The following EPB41L3 variants were observed in gnomAD, a reference collection of about 807,000 sequenced individuals.
The protein encoded by EPB41L3 is band 4.1-like protein 3.
Under a neutral mutation model 127.1 loss-of-function variants are expected in EPB41L3, and 57 were observed. The ratio of observed to expected loss-of-function variants is 0.45; its 90% confidence interval spans 0.36 to 0.56. The LOEUF (loss-of-function observed/expected upper bound fraction) is 0.56. Ranked by LOEUF, EPB41L3 falls within the 20% of genes least tolerant of loss-of-function variation. The pLI is 0.00. For missense variants in EPB41L3, 1,273 were observed against 1,372.2 expected (o/e 0.93, Z 1.14); for synonymous variants, 572 against 549.5 (o/e 1.04, Z -0.57).
At chr18:5,437,892 C>T in intron 6 of EPB41L3, 143 bp downstream of exon 6, 1 of 624,552 alleles carries the variant, frequency 1.6e-6, no homozygotes, top group South Asian at 2.0e-5. Context: ...CAGATGTTTG[C>T]TCTCGTTCAT....
intron 1 of EPB41L3, among the ~76,000 whole-genome samples, chr18:5,515,454 A>G (rs1421843976): frequency 6.6e-6 from 1 of 152,226 alleles, no homozygotes; most frequent in Non-Finnish European, 1.5e-5. Flanking sequence ...GAGTCTAAGC[A>G]TAAAAAACAG....
chr18:5,488,946 G>C (rs1915715881), intron 2 of EPB41L3, 55 bp downstream of exon 2: 2 of 1,514,666 alleles, frequency 1.3e-6, no homozygotes, highest in Non-Finnish European at 8.7e-7. Context: ...GGTTAAAGCC[G>C]ATCCTGGAGC....
intron 8 of EPB41L3, among the ~76,000 whole-genome samples, chr18:5,429,799 T>C (rs1415602394): frequency 6.6e-6 from 1 of 152,156 alleles, no homozygotes; most frequent in African/African-American, 2.4e-5. Flanking sequence ...CTGCCCACCA[T>C]TTATCTAGGA....
intron 12 of EPB41L3, 35 bp from the exon 13 acceptor site, chr18:5,416,413 G>T: frequency 1.3e-6 from 2 of 1,559,648 alleles, no homozygotes; most frequent in South Asian, 1.2e-5. Flanking sequence ...ACAGAAAGCA[G>T]CAAACAGAGG....
intron 3 of EPB41L3, among the ~76,000 whole-genome samples, chr18:5,591,736 C>T (rs568021978): frequency 5.9e-5 from 9 of 152,198 alleles, no homozygotes; most frequent in East Asian, 3.9e-4. Context: ...CACTTTATTC[C>T]GACCCCTCAG....
At chr18:5,610,972 C>T (rs757962342) in intron 3 of EPB41L3, among the ~76,000 whole-genome samples, 4 of 152,144 alleles carry the variant, frequency 2.6e-5, no homozygotes, top group Non-Finnish European at 5.9e-5. Context: ...CCAAACTGAG[C>T]TTTCATGTAA....
intron 19 of EPB41L3, among the ~76,000 whole-genome samples, 172 bp from the exon 20 acceptor site, chr18:5,395,879 G>A (rs73375705): frequency 0.05 from 7,683 of 152,144 alleles, 342 homozygotes; most frequent in African/African-American, 0.12. Flanking sequence ...GCAACCACAG[G>A]TAACTGTCAT....
intron 1 of EPB41L3, among the ~76,000 whole-genome samples, chr18:5,519,924 T>C (rs1029064559): frequency 1.3e-5 from 2 of 152,200 alleles, no homozygotes; most frequent in Non-Finnish European, 2.9e-5. Flanking sequence ...AAATGTTGGC[T>C]AGGACAACTC....
At chr18:5,448,625 G>GGTATT (rs1242132103) in intron 3 of EPB41L3, among the ~76,000 whole-genome samples, 1 of 152,016 alleles carries the variant, frequency 6.6e-6, no homozygotes, top group African/African-American at 2.4e-5. Flanking sequence ...AATGGATAGA[G>GGTATT]GTATTCTAAA....
At chr18:5,404,869 T>A (rs2075098557) in intron 16 of EPB41L3, among the ~76,000 whole-genome samples, 1 of 152,238 alleles carries the variant, frequency 6.6e-6, no homozygotes, top group Non-Finnish European at 1.5e-5. Flanking sequence ...AGAAATAGGA[T>A]AAGCCAAACT....
At chr18:5,626,498 C>A (rs1490182875) in intron 1 of EPB41L3, among the ~76,000 whole-genome samples, 2 of 152,138 alleles carry the variant, frequency 1.3e-5, no homozygotes, top group Admixed American at 6.5e-5. Flanking sequence ...TTTAGCAGTT[C>A]TCCAATGAAA....
chr18:5,514,221 T>C (rs1010409505), intron 1 of EPB41L3, among the ~76,000 whole-genome samples: 18 of 152,236 alleles, frequency 1.2e-4, no homozygotes, highest in Admixed American at 7.2e-4. Flanking sequence ...GCTGTTAATA[T>C]AGCATAGTCC....
chr18:5,419,541 GA>G (rs1253298148), intron 12 of EPB41L3, among the ~76,000 whole-genome samples, 169 bp downstream of exon 12: 3 of 152,304 alleles, frequency 2.0e-5, no homozygotes, highest in African/African-American at 7.2e-5. Context: ...ACCTTTCAGA[GA>G]AAAAATGTTG....
At chr18:5,429,117 A>C (rs1299211327) in intron 8 of EPB41L3, 1 of 152,240 alleles carries the variant, frequency 6.6e-6, no homozygotes, top group East Asian at 1.9e-4. Context: ...ATTTTCCCCA[A>C]CAACCGCCCT....
intron 1 of EPB41L3, among the ~76,000 whole-genome samples, chr18:5,501,004 G>A (rs1336715374): frequency 6.6e-6 from 1 of 152,074 alleles, no homozygotes; most frequent in Non-Finnish European, 1.5e-5. Context: ...GGGGGAGTAG[G>A]AACTTTTAGG....
rs1190047630 is a variant in EPB41L3, at chr18:5,511,391, G to GTT, written c.-11-22199_-11-22198dup. Among the ~76,000 whole-genome samples, 477 of 59,786 alleles carry GTT rather than the reference G, an allele frequency of 8.0e-3. 50 individuals are homozygous for GTT. Among genetic ancestry groups the GTT allele is most frequent in the African/African-American group, 0.024 (357 of 14,682 alleles). 39.2% of individuals were successfully genotyped at this position (59,786 alleles called of 152,430 possible). ...CTTTAATAGCTGTGGAGGTATTTTG[G>GTT]TTTTTTTTTTTTTTTTTTTTTTTTT... On this transcript the variant is annotated intron_variant, in intron 1 of 22. Transcript: ENST00000341928.
intron 1 of EPB41L3, among the ~76,000 whole-genome samples, chr18:5,512,980 G>A (rs2092600254): frequency 6.6e-6 from 1 of 152,176 alleles, no homozygotes; most frequent in Non-Finnish European, 1.5e-5. Flanking sequence ...AGAATCCATA[G>A]AATATAGCAG....
chr18:5,493,118 A>G (rs1366850685), intron 1 of EPB41L3, among the ~76,000 whole-genome samples: 1 of 152,210 alleles, frequency 6.6e-6, no homozygotes, highest in Non-Finnish European at 1.5e-5. Flanking sequence ...TAGAAGTGGC[A>G]GCTCTAAAAT....
At chr18:5,613,193 A>G (rs1048665676) in intron 2 of EPB41L3, among the ~76,000 whole-genome samples, 1 of 152,144 alleles carries the variant, frequency 6.6e-6, no homozygotes, top group African/African-American at 2.4e-5. Flanking sequence ...TCTCTTAAGG[A>G]AGTGAGTGAC....
Sources: gnomAD v4.1 joint callset for allele counts (sites outside exome capture counted in the v4.1 genomes callset) on GRCh38, gnomAD v4.1.1 for gene constraint, MANE v1.5 for transcripts, NCBI Gene and HGNC (gene_info 2026-07-23, HGNC 2026-07-21) for gene names.